The following BACH2 variants were observed in gnomAD, a reference collection of about 807,000 sequenced individuals.
BACH2 encodes the protein transcription regulator protein BACH2.
Under a neutral mutation model 61.8 loss-of-function variants are expected in BACH2, and 5 were observed. The ratio of observed to expected loss-of-function variants is 0.08; its 90% CI spans 0.04 to 0.17. The LOEUF (loss-of-function observed/expected upper bound fraction) is 0.17. Ranked by LOEUF, BACH2 falls within the 10% of genes least tolerant of loss-of-function variation. The probability of loss-of-function intolerance (pLI) is 1.00; values close to 1 mark genes in which losing one functional copy is unlikely to be tolerated. For missense variants in BACH2, 824 were observed against 1,091.1 expected, an observed-to-expected ratio of 0.76 and a Z score of 3.45; for synonymous variants, 446 against 440.1, an observed-to-expected ratio of 1.01 and a Z score of -0.17.
chr6:90,117,080 G>T, intron 4 of BACH2: 1 of 291,200 alleles, frequency 3.4e-6, no homozygotes, highest in Admixed American at 3.7e-5. Flanking sequence ...CTAAGGGTTG[G>T]GTGTTTCTCG....
At chr6:89,968,937 G>A (rs1384327424) in intron 6 of BACH2, among the ~76,000 whole-genome samples, 3 of 152,112 alleles carry the variant, frequency 2.0e-5, no homozygotes, top group African/African-American at 4.8e-5. Context: ...CTTGAATCTG[G>A]GAGGCGGAGG....
chr6:90,189,684 T>C (rs1188222580), intron 4 of BACH2, among the ~76,000 whole-genome samples: 1 of 150,004 alleles, frequency 6.7e-6, no homozygotes, highest in Non-Finnish European at 1.5e-5. Flanking sequence ...GGACAGGGGA[T>C]GCTACTTAAT....
intron 5 of BACH2, among the ~76,000 whole-genome samples, chr6:90,051,702 CT>C (rs918712322): frequency 7.3e-5 from 11 of 151,202 alleles, no homozygotes; most frequent in African/African-American, 2.2e-4. Flanking sequence ...TCTCATTCGT[CT>C]TTTTTTTTAC....
At chr6:90,212,320 T>C (rs901863905) in intron 3 of BACH2, among the ~76,000 whole-genome samples, 2 of 152,144 alleles carry the variant, frequency 1.3e-5, no homozygotes, top group Admixed American at 1.3e-4. Flanking sequence ...CCCCAATGCA[T>C]ACACACCTTC....
intron 6 of BACH2, among the ~76,000 whole-genome samples, chr6:89,976,504 C>G (rs1775660640): frequency 6.6e-6 from 1 of 152,216 alleles, no homozygotes; most frequent in Admixed American, 6.5e-5. Context: ...CTTATACTTG[C>G]TCCTGCAATT....
chr6:90,260,861 A>C (rs909051773), intron 2 of BACH2, among the ~76,000 whole-genome samples: 1 of 152,196 alleles, frequency 6.6e-6, no homozygotes, highest in African/African-American at 2.4e-5. Context: ...TTGGATTCCA[A>C]CACAGTTCCA....
At chr6:90,155,257 C>A (rs1440145566) in intron 4 of BACH2, among the ~76,000 whole-genome samples, 1 of 152,100 alleles carries the variant, frequency 6.6e-6, no homozygotes, top group Admixed American at 6.5e-5. Context: ...ACCAGGAGAG[C>A]CTTCTTAGGA....
intron 5 of BACH2, among the ~76,000 whole-genome samples, chr6:90,038,355 T>C (rs1779363865): frequency 6.6e-6 from 1 of 152,172 alleles, no homozygotes; most frequent in Non-Finnish European, 1.5e-5. Context: ...AACTGCTAAT[T>C]CTAACTTCCT....
At chr6:90,289,228 G>A (rs1210492677) in intron 1 of BACH2, among the ~76,000 whole-genome samples, 1 of 152,154 alleles carries the variant, frequency 6.6e-6, no homozygotes, top group Non-Finnish European at 1.5e-5. Context: ...AAGAAGAAAA[G>A]GAAAAGGGAG....
chr6:90,220,516 C>T (rs1769703997), intron 3 of BACH2, among the ~76,000 whole-genome samples: 1 of 152,224 alleles, frequency 6.6e-6, no homozygotes, highest in African/African-American at 2.4e-5. Context: ...AGGAAGGCCA[C>T]TACCTATGTA....
intron 4 of BACH2, among the ~76,000 whole-genome samples, chr6:90,095,282 T>C (rs1311678007): frequency 3.3e-5 from 5 of 152,146 alleles, no homozygotes; most frequent in African/African-American, 9.7e-5. Flanking sequence ...CAGACACTTG[T>C]ATAAGGCAGA....
chr6:89,988,389 C>T (rs1277758921), intron 6 of BACH2, among the ~76,000 whole-genome samples: 1 of 152,136 alleles, frequency 6.6e-6, no homozygotes, highest in Non-Finnish European at 1.5e-5. Context: ...TGGACAGCAG[C>T]CTGCCCCATC....
chr6:90,295,849 T>G (rs941788374), intron 1 of BACH2, among the ~76,000 whole-genome samples: 1 of 152,230 alleles, frequency 6.6e-6, no homozygotes, highest in East Asian at 1.9e-4. Flanking sequence ...CCAGCTCGCC[T>G]CTTCCTGCGA....
chr6:90,295,875 T>G (rs541073919), intron 1 of BACH2, among the ~76,000 whole-genome samples: 1 of 152,230 alleles, frequency 6.6e-6, no homozygotes, highest in Non-Finnish European at 1.5e-5. Context: ...AACTTGGGCT[T>G]TGATTCCCCG....
chr6:90,201,676 G>A (rs1309017575), intron 4 of BACH2, among the ~76,000 whole-genome samples: 2 of 152,290 alleles, frequency 1.3e-5, no homozygotes, highest in East Asian at 3.9e-4. Context: ...ACATAGCTAA[G>A]TACATTCTCT....
rs550615530 is a variant in BACH2 at position 90,126,769 on chromosome 6, T to C, written c.-161-37660A>G. Among the ~76,000 whole-genome samples, 28 of 152,356 alleles carry C rather than the reference T, an allele frequency of 1.8e-4. No individual in the cohort carries two copies. In the South Asian group the frequency reaches 5.8e-3, roughly 32 times the overall value. On this transcript the variant is annotated intron_variant, in intron 4 of 8. Transcript: ENST00000257749. ...AGACCATACATTCTAGAACCAATTC[T>C]AAAACAGCAAGAAGTGGCCAGATGC...
chr6:90,040,253 G>A (rs1779469146), intron 5 of BACH2, among the ~76,000 whole-genome samples: 1 of 151,920 alleles, frequency 6.6e-6, no homozygotes, highest in South Asian at 2.1e-4. Context: ...ATTTATCTTG[G>A]TGTAAATATG....
At chr6:90,077,849 A>AGGAG (rs1320072046) in intron 5 of BACH2, among the ~76,000 whole-genome samples, 7 of 152,140 alleles carry the variant, frequency 4.6e-5, no homozygotes, top group African/African-American at 1.7e-4. Context: ...AAAGTCCTGG[A>AGGAG]GGAGGTTAAA....
chr6:90,018,970 A>C (rs1309173715), intron 5 of BACH2, among the ~76,000 whole-genome samples: 1 of 151,968 alleles, frequency 6.6e-6, no homozygotes, highest in Non-Finnish European at 1.5e-5. Context: ...TTAGTCCTTC[A>C]TTTTCGTGGA....
Sources: allele counts gnomAD v4.1 joint callset (sites outside exome capture counted in the v4.1 genomes callset), GRCh38; gene constraint gnomAD v4.1.1; transcripts MANE v1.5; gene names NCBI Gene and HGNC (gene_info 2026-07-23, HGNC 2026-07-21).